Variants in USH2A observed in about 807,000 individuals in gnomAD.
USH2A encodes Usher syndrome 2A (autosomal recessive, mild).
Under a neutral mutation model 538.9 loss-of-function variants are expected in USH2A, and 443 were observed. The ratio of observed to expected loss-of-function variants is 0.82; its 90% CI spans 0.76 to 0.89. The LOEUF (loss-of-function observed/expected upper bound fraction) is 0.89, where lower values mean the gene tolerates loss of function less well. Among genes scored for constraint, USH2A ranks in the 40% least tolerant of loss-of-function variants. The pLI is 0.00. For synonymous variants in USH2A, 2,413 were observed against 2,273.5 expected (o/e 1.06, Z -1.75); for missense variants, 6,633 against 6,324.8 (o/e 1.05, Z -1.65).
intron 3 of USH2A, among the ~76,000 whole-genome samples, chr1:216,377,003 G>A (rs2038834841): frequency 6.6e-6 from 1 of 152,060 alleles, no homozygotes; most frequent in Admixed American, 6.6e-5. Flanking sequence ...AGAAAGGCAT[G>A]CTTTTCTGTA....
Position 216,186,937 on chromosome 1 carries a change from A to T in USH2A, c.4396+3286T>A, listed in dbSNP as rs549547782. 1.4e-4 allele frequency among the ~76,000 whole-genome samples: 21 copies of T among 151,858 alleles called. No homozygotes were observed. The South Asian group carries it at 3.5e-3, about 26-fold the overall frequency. On this transcript the variant is annotated intron_variant, in intron 20 of 71. Transcript: ENST00000307340. ...TGATTTACTCTCTTATTGCCTTTTT[A>T]AAAAAGTCTACCAGACACTTATTAC...
In USH2A at chr1:216,235,482, G is replaced by C. The variant is rs147738300; in HGVS notation, c.2810-3346C>G. 3.7e-3 allele frequency among the ~76,000 whole-genome samples: 559 copies of C among 152,244 alleles called. 4 individuals carry two copies. Among genetic ancestry groups the C allele is most frequent in the African/African-American group, 0.013 (538 of 41,560 alleles). On this transcript the variant is annotated intron_variant, in intron 13 of 71. Coordinates refer to ENST00000307340, the MANE Select transcript of USH2A (RefSeq NM_206933.4). ...ATTATTTAGCTGACCCTTGGTTTTA[G>C]ACATGACAAATCTCAAGTGGAAAAA... is the stretch of plus-strand genomic sequence containing the variant.
At position 215,782,890 on chromosome 1, in the gene USH2A, G is replaced by A; in HGVS notation, c.10433C>T (p.Ala3478Val). ...GAGTCCTCGCCCATAGCTGTTCCAG[G>A]CAGAAATCCTGTACTCATATGTCAT... is the stretch of plus-strand genomic sequence containing the variant. The part of the protein sequence containing the change: ...PYMTYEYRIS[A>V]WNSYGRGLSK... Residue 3478 changes from alanine to valine, a missense_variant, in exon 53 of 72, where the codon GCC becomes GTC. By Grantham distance (64) the Ala-to-Val change is moderately conservative. Transcript: ENST00000307340. 1 of 1,613,744 alleles carries A rather than the reference G, an allele frequency of 6.2e-7. No homozygotes were observed. The highest frequency in any genetic ancestry group is 8.5e-7 in the Non-Finnish European group (1 of 1,179,858).
At chr1:216,045,501 G>T (rs1232089594) in intron 32 of USH2A, among the ~76,000 whole-genome samples, 1 of 152,148 alleles carries the variant, frequency 6.6e-6, no homozygotes, top group East Asian at 1.9e-4. Context: ...CATTAGTGAG[G>T]ATTTTAAAGT....
intron 38 of USH2A, among the ~76,000 whole-genome samples, chr1:215,906,626 T>C (rs1665645981): frequency 6.6e-6 from 1 of 152,026 alleles, no homozygotes; most frequent in Non-Finnish European, 1.5e-5. Flanking sequence ...TTATTTTCTG[T>C]CCAGGTCATA....
chr1:216,275,038 C>T (rs938928929), intron 11 of USH2A, among the ~76,000 whole-genome samples: 8 of 152,022 alleles, frequency 5.3e-5, no homozygotes, highest in African/African-American at 1.9e-4. Context: ...ACTGCTGTTC[C>T]CAGCAATGGT....
chr1:215,904,960 C>G (rs1665596040), intron 38 of USH2A, among the ~76,000 whole-genome samples: 1 of 152,060 alleles, frequency 6.6e-6, no homozygotes, highest in Non-Finnish European at 1.5e-5. Context: ...CCACTGGACT[C>G]TCATCTATAT....
chr1:215,924,360 G>C (rs1200604690), intron 38 of USH2A, among the ~76,000 whole-genome samples: 1 of 152,062 alleles, frequency 6.6e-6, no homozygotes, highest in Non-Finnish European at 1.5e-5. Context: ...CTGATGAAAA[G>C]AGGTTGGAAA....
At chr1:215,627,045 A>T (rs1437292908) in intron 71 of USH2A, among the ~76,000 whole-genome samples, 1 of 152,230 alleles carries the variant, frequency 6.6e-6, no homozygotes, top group Non-Finnish European at 1.5e-5. Context: ...CTGTGATTTT[A>T]AAATGCATAT....
intron 62 of USH2A, among the ~76,000 whole-genome samples, chr1:215,677,769 T>C (rs1658082514): frequency 6.6e-6 from 1 of 152,208 alleles, no homozygotes; most frequent in South Asian, 2.1e-4. Flanking sequence ...TCCCAGACTC[T>C]CAACAGGTTG....
At chr1:215,689,765 A>T (rs1658542085) in intron 61 of USH2A, among the ~76,000 whole-genome samples, 1 of 152,140 alleles carries the variant, frequency 6.6e-6, no homozygotes, top group African/African-American at 2.4e-5. Flanking sequence ...AGAGAAATGA[A>T]CTCTGCTAAC....
chr1:215,970,961 C>A (rs1319009463), intron 35 of USH2A, among the ~76,000 whole-genome samples, 185 bp from the exon 36 acceptor site: 2 of 151,884 alleles, frequency 1.3e-5, no homozygotes, highest in South Asian at 2.1e-4. Flanking sequence ...CCTTGAATAT[C>A]AAACTGTAAA....
At chr1:216,319,249 A>G (rs1192110321) in intron 9 of USH2A, among the ~76,000 whole-genome samples, 2 of 152,212 alleles carry the variant, frequency 1.3e-5, no homozygotes, top group Non-Finnish European at 2.9e-5. Context: ...TCAAAAGAAG[A>G]CAGTAGAAAA....
intron 61 of USH2A, among the ~76,000 whole-genome samples, chr1:215,716,854 T>A (rs1283524305): frequency 1.3e-5 from 2 of 152,226 alleles, no homozygotes; most frequent in African/African-American, 4.8e-5. Flanking sequence ...CTAAGAACTC[T>A]GATGTGCTGT....
At chr1:215,678,330 G>C (rs1016505019) in intron 62 of USH2A, among the ~76,000 whole-genome samples, 2 of 152,136 alleles carry the variant, frequency 1.3e-5, no homozygotes, top group Admixed American at 6.6e-5. Flanking sequence ...TCTCCTACCA[G>C]TCCCTCCAAC....
chr1:216,376,572 T>C (rs2038825032), intron 3 of USH2A, among the ~76,000 whole-genome samples: 1 of 152,200 alleles, frequency 6.6e-6, no homozygotes, highest in South Asian at 2.1e-4. Context: ...ATGTTTATAG[T>C]TTTTTAAAAA....
chr1:216,136,247 C>T (rs925675556), intron 21 of USH2A, among the ~76,000 whole-genome samples: 7 of 152,028 alleles, frequency 4.6e-5, no homozygotes, highest in African/African-American at 1.7e-4. Flanking sequence ...GCTATGCTAT[C>T]TCTATAAATA....
chr1:215,905,032 T>C (rs1161325805), intron 38 of USH2A, among the ~76,000 whole-genome samples: 1 of 152,040 alleles, frequency 6.6e-6, no homozygotes, highest in Non-Finnish European at 1.5e-5. Flanking sequence ...TAAACTTCTC[T>C]AAGAAAACAA....
rs772861429 is a variant in USH2A at position 216,422,332 on chromosome 1, T to C, written c.5A>G (p.Asn2Ser). Residue 2 changes from asparagine (N) to serine (S), a missense_variant, in exon 2 of 72, where the codon AAT becomes AGT. Transcript: ENST00000307340. ...AGAGCCCAATGAAAGAACTGGGCAA[T>C]TCATGTTTACAAAAAAGCATTCTCC... M[N>S]CPVLSLGSGF... 1.2e-6 allele frequency: 2 copies of C among 1,613,578 alleles called. No homozygotes were observed. The highest frequency in any genetic ancestry group is 1.7e-6 in the Non-Finnish European group (2 of 1,179,820).
Sources: gnomAD v4.1 joint callset for allele counts (sites outside exome capture counted in the v4.1 genomes callset) on GRCh38, gnomAD v4.1.1 for gene constraint, MANE v1.5 for transcripts, NCBI Gene and HGNC (gene_info 2026-07-23, HGNC 2026-07-21) for gene names.